ASAP2: variants seen among roughly 807,000 people sequenced by gnomAD.
The protein encoded by ASAP2 is ArfGAP with SH3 domain, ankyrin repeat and PH domain 2.
A neutral mutation model predicts 131.4 loss-of-function variants in ASAP2; 45 were observed. That is an observed-to-expected ratio of 0.34 (90% CI 0.27 to 0.44). The LOEUF is 0.44. Among genes scored for constraint, ASAP2 ranks in the 20% least tolerant of loss-of-function variants. The probability of loss-of-function intolerance (pLI) is 1.00; values close to 1 mark genes in which losing one functional copy is unlikely to be tolerated. For synonymous variants in ASAP2, 510 were observed against 503.0 expected (o/e 1.01, Z -0.19); for missense variants, 1,011 against 1,297.0 (o/e 0.78, Z 3.39).
rs2147963128 is a variant in ASAP2, at chr2:9,217,588, A to G, written c.126+10358A>G. Among the ~76,000 whole-genome samples, 1 of 151,258 alleles carries G rather than the reference A, an allele frequency of 6.6e-6. No homozygotes were observed. The highest frequency in any genetic ancestry group is 3.5e-3 in the Middle Eastern group (1 of 288). On this transcript the variant is annotated intron_variant, in intron 1 of 27. Transcript: ENST00000281419. The surrounding 1 kb of genome is among the most constrained non-coding windows in gnomAD (Gnocchi z 4.0). ...TTTCCCCAGCTTCTCAGAAGAAATC[A>G]TGTTCTTCTTAGAGGTATGTTTTTG...
chr2:9,257,148 C>A (rs775513739), intron 1 of ASAP2, among the ~76,000 whole-genome samples: 1 of 152,208 alleles, frequency 6.6e-6, no homozygotes, highest in Non-Finnish European at 1.5e-5. Context: ...AGTGTTTACA[C>A]GTGTCGGGCA....
chr2:9,378,838 A>T, intron 18 of ASAP2, 106 bp from the exon 19 acceptor site: 1 of 673,506 alleles, frequency 1.5e-6, no homozygotes, highest in Non-Finnish European at 2.2e-6. Flanking sequence ...TCACTCGGGG[A>T]CTGTCTGCCT....
At chr2:9,374,969 T>TAA in intron 17 of ASAP2, 25 bp downstream of exon 17, 3 of 1,526,582 alleles carry the variant, frequency 2.0e-6, no homozygotes, top group African/African-American at 1.7e-5. Flanking sequence ...TGTTGCTACT[T>TAA]TAAAAAAAAA....
At chr2:9,297,087 C>G (rs1212729542) in intron 2 of ASAP2, among the ~76,000 whole-genome samples, 1 of 152,182 alleles carries the variant, frequency 6.6e-6, no homozygotes, top group Non-Finnish European at 1.5e-5. Flanking sequence ...AGGGCTTCCC[C>G]TCTTGCATAC....
intron 3 of ASAP2, among the ~76,000 whole-genome samples, chr2:9,307,117 ACCTGCAGGGTTGTGGCT>A (rs899800188): frequency 2.6e-5 from 4 of 152,108 alleles, no homozygotes; most frequent in African/African-American, 9.7e-5. Flanking sequence ...TCCACACCTC[ACCTGCAGGGTTGTGGCT>A]CTCCAGCTGG....
rs13418453 is a variant in ASAP2, at chr2:9,356,731, G to T, written c.1327+386G>T. 6.1e-3 allele frequency among the ~76,000 whole-genome samples: 936 copies of T among 152,272 alleles called. 6 individuals carry two copies. The highest frequency in any genetic ancestry group is 0.021 in the African/African-American group (870 of 41,534). On this transcript the variant is annotated intron_variant, in intron 14 of 27. Coordinates refer to ENST00000281419, the MANE Select transcript of ASAP2 (RefSeq NM_003887.3). ...TCTTCTCCCTTTATCCTACTTTGCA[G>T]AACTTCTGAAGTAGCTTTAAGCCGC...
At chr2:9,373,717 G>A (rs1210139193) in intron 16 of ASAP2, among the ~76,000 whole-genome samples, 1 of 152,222 alleles carries the variant, frequency 6.6e-6, no homozygotes, top group Non-Finnish European at 1.5e-5. Context: ...GGGAGCAGCC[G>A]CATTTGTCCT....
chr2:9,387,943 T>C (rs1675411588), intron 21 of ASAP2, among the ~76,000 whole-genome samples: 1 of 152,130 alleles, frequency 6.6e-6, no homozygotes, highest in Admixed American at 6.5e-5. Context: ...ATAAAACCAT[T>C]AGGTCTTGTG....
intron 1 of ASAP2, among the ~76,000 whole-genome samples, chr2:9,260,322 C>G (rs1036635724): frequency 1.3e-5 from 2 of 152,210 alleles, no homozygotes; most frequent in African/African-American, 4.8e-5. Flanking sequence ...GAATCTGCTG[C>G]TGGGGGCGGG....
intron 7 of ASAP2, 87 bp downstream of exon 7, chr2:9,327,998 A>T: frequency 1.0e-6 from 1 of 969,492 alleles, no homozygotes; most frequent in Non-Finnish European, 1.5e-6. Context: ...TAGGAAATAA[A>T]CACCACTTAG....
At chr2:9,301,333 T>G (rs962124325) in intron 3 of ASAP2, among the ~76,000 whole-genome samples, 1 of 152,188 alleles carries the variant, frequency 6.6e-6, no homozygotes, top group Non-Finnish European at 1.5e-5. Context: ...ATGGGTGAGA[T>G]TCTCACCTGC....
intron 3 of ASAP2, among the ~76,000 whole-genome samples, chr2:9,316,046 T>C (rs532508857): frequency 2.8e-4 from 43 of 152,212 alleles, no homozygotes; most frequent in African/African-American, 9.6e-4. Flanking sequence ...AGTCCAGGCG[T>C]GGTGGCTCAT....
Position 9,297,378 on chromosome 2 carries a change from A to G in ASAP2, c.278A>G (p.Asp93Gly), listed in dbSNP as rs1271950125. 1.2e-6 allele frequency: 2 copies of G among 1,614,074 alleles called. No homozygotes were observed. Among genetic ancestry groups the G allele is most frequent in the African/African-American group, 1.3e-5 (1 of 74,920 alleles). The change falls in exon 3 of 28, where the codon GAT becomes GGT. Residue 93 changes from aspartate (D) to glycine (G), a missense_variant. Asp to Gly is a moderately conservative substitution (Grantham distance 94, BLOSUM62 -1). Coordinates refer to ENST00000281419, the MANE Select transcript of ASAP2 (RefSeq NM_003887.3). ...GGNCVCRDDP[D>G]LGSAFLKFSV... Reference sequence around the variant, plus strand: ...AACTGTGTATGCAGAGATGACCCAGATTTAGGAAGTGCGTTCCTGAAGTTC... The same window carrying G: ...AACTGTGTATGCAGAGATGACCCAGGTTTAGGAAGTGCGTTCCTGAAGTTC...
At chr2:9,244,357 C>T (rs1289050681) in intron 1 of ASAP2, among the ~76,000 whole-genome samples, 2 of 152,154 alleles carry the variant, frequency 1.3e-5, no homozygotes, top group Non-Finnish European at 2.9e-5. Context: ...AGTACCTTAG[C>T]AAGGTACACT....
chr2:9,369,049 AC>A (rs1384859452), intron 16 of ASAP2, among the ~76,000 whole-genome samples: 1 of 146,426 alleles, frequency 6.8e-6, no homozygotes, highest in Non-Finnish European at 1.5e-5. Flanking sequence ...ACGGAGTTTC[AC>A]TCTTGTTACC....
intron 19 of ASAP2, 134 bp from the exon 20 acceptor site, chr2:9,380,607 C>T: frequency 4.8e-6 from 4 of 836,050 alleles, no homozygotes; most frequent in South Asian, 4.0e-5. Flanking sequence ...CTAGGTCAAA[C>T]TCACTGTGGA....
At chr2:9,213,432 G>A (rs1010391488) in intron 1 of ASAP2, among the ~76,000 whole-genome samples, 3 of 152,182 alleles carry the variant, frequency 2.0e-5, no homozygotes, top group African/African-American at 7.2e-5. Context: ...TTGTTCTAGT[G>A]TGATGGGAAG....
In ASAP2 at chr2:9,323,012, G is replaced by A. The variant is rs145276372; in HGVS notation, c.471-109G>A. The A allele has an allele frequency of 1.2e-3, 1,596 of 1,347,304 alleles. 19 individuals carry two copies. In the African/African-American group the frequency reaches 0.019, roughly 16 times the overall value. The allele number at this position is 1,347,304 out of a possible 1,614,324, so 83.5% of individuals were successfully genotyped here. A position where few individuals can be genotyped will look rare whatever the true frequency, so the allele number is the denominator to read the frequency against. The stretch of plus-strand genomic sequence containing the variant: ...GTTGAGAGGCTGCCTGTGCTGAAAC[G>A]TGTGGTGAGCGTTGGTCTCGCCAGG... On this transcript the variant is annotated intron_variant, in intron 5 of 27. Transcript: ENST00000281419.
intron 20 of ASAP2, among the ~76,000 whole-genome samples, chr2:9,384,738 A>G (rs1675129398): frequency 1.3e-5 from 2 of 152,248 alleles, no homozygotes; most frequent in African/African-American, 4.8e-5. Flanking sequence ...GCCACCCTCC[A>G]GGACCCTCTG....
Sources: gnomAD v4.1 joint callset for allele counts (sites outside exome capture counted in the v4.1 genomes callset) on GRCh38, gnomAD v4.1.1 for gene constraint, Gnocchi (gnomAD v3.1) non-coding constraint, MANE v1.5 for transcripts, NCBI Gene and HGNC (gene_info 2026-07-23, HGNC 2026-07-21) for gene names.